DPF1: variants seen among roughly 807,000 people sequenced by gnomAD.
DPF1 encodes the protein zinc finger protein neuro-d4.
In DPF1, 14 loss-of-function variants were observed where a neutral mutation model predicts 58.7. That is an observed-to-expected ratio of 0.24 (90% confidence interval 0.16 to 0.37). The LOEUF is 0.37. Among genes scored for constraint, DPF1 ranks in the 10% least tolerant of loss-of-function variants. The probability of loss-of-function intolerance (pLI) is 1.00; values close to 1 mark genes in which losing one functional copy is unlikely to be tolerated. For missense variants in DPF1, 345 were observed against 529.9 expected, an observed-to-expected ratio of 0.65 and a Z score of 3.43; for synonymous variants, 216 against 216.0, an observed-to-expected ratio of 1.00 and a Z score of 0.00.
rs767771165 is a variant in DPF1, at chr19:38,222,480, G to T, written c.191-16C>A. ...GGGGCCAAACCTGGAGAGAGAGGGG[G>T]GTGAGAGGGCGGCGGCGGTGGGGCG... On this transcript the variant is annotated splice_polypyrimidine_tract_variant and intron_variant, in intron 2 of 11. Coordinates refer to ENST00000355526, the MANE Select transcript of DPF1 (RefSeq NM_001135155.3). The surrounding 1 kb of genome is among the most constrained non-coding windows in gnomAD (Gnocchi z 4.9). 6.3e-7 allele frequency: 1 copy of T among 1,582,782 alleles called. No homozygotes were observed. Among genetic ancestry groups the T allele is most frequent in the Non-Finnish European group, 8.5e-7 (1 of 1,170,060 alleles).
At chr19:38,213,894 C>CCA (rs888214917) in intron 9 of DPF1, 138 bp from the exon 10 acceptor site, 48 of 658,240 alleles carry the variant, frequency 7.3e-5, no homozygotes, top group African/African-American at 6.9e-4. Flanking sequence ...CAGCCTGACC[C>CCA]CACACCTGCC....
In DPF1 at chr19:38,222,789, G is replaced by C. The variant is rs1298204895; in HGVS notation, c.30-81C>G. On this transcript the variant is annotated intron_variant, in intron 1 of 11. Transcript: ENST00000355526. The surrounding 1 kb of genome is among the most constrained non-coding windows in gnomAD (Gnocchi z 4.9). Reference sequence around the variant, plus strand: ...GCCCAGCACCCCTTCCCCGGCTGCCGGGCCGCCCAGGCTCGGGAGGGGTGG... The same window carrying C: ...GCCCAGCACCCCTTCCCCGGCTGCCCGGCCGCCCAGGCTCGGGAGGGGTGG... The C allele has an allele frequency of 1.4e-6, 2 of 1,425,856 alleles. No homozygotes were observed. The highest frequency in any genetic ancestry group is 5.5e-5 in the Admixed American group (2 of 36,154). 88.3% of individuals were successfully genotyped at this position (1,425,856 alleles called of 1,614,324 possible). A position where few individuals can be genotyped will look rare whatever the true frequency, so the allele number is the denominator to read the frequency against.
upstream of DPF1, among the ~76,000 whole-genome samples, chr19:38,226,796 C>T (rs76791095): frequency 4.8e-4 from 73 of 151,968 alleles, no homozygotes; most frequent in Non-Finnish European, 7.4e-4. Flanking sequence ...TCACAGGTCC[C>T]GTAACACACC....
At chr19:38,226,502 CTACACA>C (rs1967826831), upstream of DPF1, among the ~76,000 whole-genome samples, 2 of 112,322 alleles carry the variant, frequency 1.8e-5, no homozygotes, top group South Asian at 5.9e-4. Context: ...ACGGTCACTT[CTACACA>C]CACACACACA....
chr19:38,213,873 G>T, intron 9 of DPF1, 117 bp from the exon 10 acceptor site: 1 of 824,698 alleles, frequency 1.2e-6, no homozygotes, highest in East Asian at 2.7e-5. Flanking sequence ...AGGATGAGCT[G>T]CCGGGATCCA....
At chr19:38,217,753 T>C in intron 6 of DPF1, 45 bp downstream of exon 6, 1 of 1,611,324 alleles carries the variant, frequency 6.2e-7, no homozygotes, top group Non-Finnish European at 8.5e-7. Context: ...GGGGAGTCTC[T>C]GGGCACCCCT....
rs200074403 is a variant in DPF1 at position 38,212,181 on chromosome 19, G to T, written c.1094-48C>A. The T allele has an allele frequency of 2.8e-4, 441 of 1,583,928 alleles. 4 individuals are homozygous for T. The East Asian group carries it at 9.9e-3, about 36-fold the overall frequency. Reference sequence around the variant, plus strand: ...AGTCAGGCCCGGGTCCGGGAGGGCTGCCCCAGCCCCTTCCCACCCCGAGGA... The same window carrying T: ...AGTCAGGCCCGGGTCCGGGAGGGCTTCCCCAGCCCCTTCCCACCCCGAGGA... On this transcript the variant is annotated intron_variant, in intron 11 of 11. Transcript: ENST00000355526.
intron 3 of DPF1, among the ~76,000 whole-genome samples, chr19:38,220,285 A>AGG: frequency 6.6e-6 from 1 of 150,884 alleles, no homozygotes; most frequent in East Asian, 1.9e-4. Context: ...AAGAAAAGAA[A>AGG]AAGAGAGAGA....
At chr19:38,215,296 G>A (rs983282499) in intron 9 of DPF1, among the ~76,000 whole-genome samples, 3 of 150,674 alleles carry the variant, frequency 2.0e-5, no homozygotes, top group Non-Finnish European at 3.0e-5. Context: ...TTTGAGACCA[G>A]CCTGGCCAAC....
At chr19:38,213,799 C>A (rs369458737) in intron 9 of DPF1, 43 bp from the exon 10 acceptor site, 112 of 1,552,818 alleles carry the variant, frequency 7.2e-5, no homozygotes, top group Non-Finnish European at 8.1e-5. Flanking sequence ...GGTCACCGTG[C>A]CCCTGGTGGG....
intron 10 of DPF1, 49 bp from the exon 11 acceptor site, chr19:38,212,410 G>T: frequency 1.6e-6 from 1 of 617,432 alleles, no homozygotes; most frequent in Non-Finnish European, 2.7e-6. Flanking sequence ...ACGGGCACCA[G>T]AAACGGGGGT....
Position 38,224,030 on chromosome 19 carries a change from G to T in DPF1, c.29+84C>A. On this transcript the variant is annotated intron_variant, in intron 1 of 11. Transcript: ENST00000355526. The surrounding 1 kb of genome is among the most constrained non-coding windows in gnomAD (Gnocchi z 4.5). ...GTGACAGCCCCCCAGACACCCCTTC[G>T]GCCCCACCCCCGGTCGCCACACACA... The T allele has an allele frequency of 7.2e-7, 1 of 1,391,742 alleles. No homozygotes were observed. Among genetic ancestry groups the T allele is most frequent in the Admixed American group, 3.3e-5 (1 of 30,624 alleles). The allele number at this position is 1,391,742 out of a possible 1,614,324, so 86.2% of individuals were successfully genotyped here.
intron 3 of DPF1, among the ~76,000 whole-genome samples, chr19:38,220,142 C>T (rs1337317552): frequency 4.3e-5 from 6 of 140,892 alleles, no homozygotes; most frequent in Admixed American, 7.4e-5. Flanking sequence ...GAGCCGAGAT[C>T]GTGCCACTGC....
intron 5 of DPF1, 47 bp from the exon 6 acceptor site, chr19:38,217,923 G>A: frequency 6.2e-7 from 1 of 1,602,116 alleles, no homozygotes; most frequent in Admixed American, 1.7e-5. Context: ...GAGAAAACAG[G>A]CCAGGCGTGG....
upstream of DPF1, among the ~76,000 whole-genome samples, chr19:38,225,674 C>T (rs1051914004): frequency 1.3e-5 from 2 of 151,724 alleles, no homozygotes; most frequent in Admixed American, 1.3e-4. Flanking sequence ...ATGAGAGGAC[C>T]GCTTGAGCTC....
chr19:38,225,081 T>C (rs193122435), upstream of DPF1, among the ~76,000 whole-genome samples: 3 of 152,202 alleles, frequency 2.0e-5, no homozygotes, highest in African/African-American at 7.2e-5. Flanking sequence ...TAGTAGTCTC[T>C]ACTAAAAATA....
chr19:38,227,992 G>T (rs924950379), upstream of DPF1: 2 of 152,470 alleles, frequency 1.3e-5, no homozygotes, highest in African/African-American at 4.8e-5. Flanking sequence ...CCTCCCAGGG[G>T]TCTGGGCCAG....
rs1252765619 is a variant in DPF1, at chr19:38,222,192, A to T, written c.298+165T>A. Among the ~76,000 whole-genome samples, 1 of 152,196 alleles carries T rather than the reference A, an allele frequency of 6.6e-6. No homozygotes were observed. The highest frequency in any genetic ancestry group is 1.5e-5 in the Non-Finnish European group (1 of 68,038). The stretch of plus-strand genomic sequence containing the variant: ...AGATGCAGTCGCCACTCAGTGACTC[A>T]GAGAAACTGTGGAATCTCTGGGAAA... On this transcript the variant is annotated intron_variant, in intron 3 of 11. Coordinates refer to ENST00000355526, the MANE Select transcript of DPF1 (RefSeq NM_001135155.3). The surrounding 1 kb of genome is among the most constrained non-coding windows in gnomAD (Gnocchi z 4.9).
chr19:38,214,193 TC>T (rs1973674977), intron 9 of DPF1, among the ~76,000 whole-genome samples: 1 of 152,076 alleles, frequency 6.6e-6, no homozygotes, highest in Non-Finnish European at 1.5e-5. Flanking sequence ...GCAACCACCT[TC>T]CACAACGGGG....
Sources: gnomAD v4.1 joint callset for allele counts (sites outside exome capture counted in the v4.1 genomes callset) on GRCh38, gnomAD v4.1.1 for gene constraint, Gnocchi (gnomAD v3.1) non-coding constraint, MANE v1.5 for transcripts, NCBI Gene and HGNC (gene_info 2026-07-23, HGNC 2026-07-21) for gene names.